The following NRG1 variants were observed in gnomAD, a reference collection of about 807,000 sequenced individuals.
The protein encoded by NRG1 is neuregulin 1, also known as pro-neuregulin-1, membrane-bound isoform.
A neutral mutation model predicts 63.8 loss-of-function variants in NRG1; 18 were observed. The ratio of observed to expected loss-of-function variants is 0.28; its 90% CI spans 0.19 to 0.42. NRG1 has a LOEUF of 0.42. Ranked by LOEUF, NRG1 falls within the 10% of genes least tolerant of loss-of-function variation. The pLI, the probability that NRG1 is intolerant of heterozygous loss-of-function variation, is 1.00. For synonymous variants in NRG1, 302 were observed against 301.3 expected, an observed-to-expected ratio of 1.00 and a Z score of -0.02; for missense variants, 762 against 814.7, an observed-to-expected ratio of 0.94 and a Z score of 0.79.
At chr8:32,354,799 T>A (rs199662563) in intron 1 of NRG1, among the ~76,000 whole-genome samples, 18 of 134,664 alleles carry the variant, frequency 1.3e-4, no homozygotes, top group African/African-American at 4.0e-4. Context: ...GCTGCTTTTT[T>A]TAAAAAAAAA....
chr8:31,780,402 G>T (rs545739721), intron 1 of NRG1, among the ~76,000 whole-genome samples: 1 of 152,150 alleles, frequency 6.6e-6, no homozygotes, highest in East Asian at 1.9e-4. Flanking sequence ...AGCATTTTCT[G>T]CTCTCTGTGT....
At chr8:31,988,294 A>G (rs1189976123) in intron 1 of NRG1, among the ~76,000 whole-genome samples, 1 of 152,116 alleles carries the variant, frequency 6.6e-6, no homozygotes, top group African/African-American at 2.4e-5. Context: ...GAGTTCGACC[A>G]TAACTAAAGA....
chr8:32,771,706 T>TAAA (rs36131405), downstream of NRG1, among the ~76,000 whole-genome samples: 63 of 80,236 alleles, frequency 7.9e-4, no homozygotes, highest in Middle Eastern at 9.3e-3. Context: ...TCCATTTCTT[T>TAAA]AAAAAAAAAA....
intron 1 of NRG1, among the ~76,000 whole-genome samples, chr8:32,062,297 G>A (rs1824016219): frequency 6.6e-6 from 1 of 152,068 alleles, no homozygotes; most frequent in Non-Finnish European, 1.5e-5. Flanking sequence ...CATTCAGATG[G>A]AACAGAAAGA....
intron 6 of NRG1, among the ~76,000 whole-genome samples, chr8:32,734,025 G>C (rs1000327102): frequency 7.2e-5 from 11 of 152,180 alleles, no homozygotes; most frequent in Non-Finnish European, 1.5e-4. Flanking sequence ...ACCTCTGAAG[G>C]TCAGGCAGAG....
At chr8:32,433,633 G>A (rs1818437470) in intron 1 of NRG1, among the ~76,000 whole-genome samples, 1 of 152,118 alleles carries the variant, frequency 6.6e-6, no homozygotes, top group African/African-American at 2.4e-5. Flanking sequence ...AGATAAGTAG[G>A]AAATGTTCTG....
intron 3 of NRG1, among the ~76,000 whole-genome samples, chr8:32,606,914 A>G (rs1419320133): frequency 6.6e-6 from 1 of 152,142 alleles, no homozygotes; most frequent in East Asian, 1.9e-4. Flanking sequence ...ATACTAAGAA[A>G]GTGAGAAGGG....
intron 1 of NRG1, among the ~76,000 whole-genome samples, chr8:31,851,755 C>T (rs1393624250): frequency 8.8e-6 from 1 of 113,216 alleles, no homozygotes; most frequent in African/African-American, 3.3e-5. Flanking sequence ...CCATCCCTCC[C>T]CCCTCCCCCC....
intron 1 of NRG1, among the ~76,000 whole-genome samples, chr8:32,386,336 T>C (rs1039795129): frequency 3.9e-5 from 6 of 152,198 alleles, no homozygotes; most frequent in African/African-American, 1.4e-4. Context: ...ACTAAATCAG[T>C]GGACAGAGCT....
chr8:32,128,910 G>A (rs747656056), intron 1 of NRG1, among the ~76,000 whole-genome samples: 1 of 151,852 alleles, frequency 6.6e-6, no homozygotes, highest in Non-Finnish European at 1.5e-5. Flanking sequence ...TGGCCATGTG[G>A]TTTTCTCTGT....
chr8:32,540,112 T>C (rs1324058004), intron 1 of NRG1, among the ~76,000 whole-genome samples: 2 of 152,102 alleles, frequency 1.3e-5, no homozygotes, highest in Non-Finnish European at 2.9e-5. Flanking sequence ...GTTTCTTCGA[T>C]AGAAAGGGGA....
At chr8:32,728,583 T>C (rs1822850736) in intron 6 of NRG1, 3 of 984,324 alleles carry the variant, frequency 3.0e-6, no homozygotes, top group South Asian at 4.7e-5. Flanking sequence ...TGCATAACTA[T>C]TTTTTAAACG....
intron 1 of NRG1, among the ~76,000 whole-genome samples, chr8:32,391,998 C>T (rs1811833749): frequency 6.6e-6 from 1 of 152,134 alleles, no homozygotes; most frequent in Non-Finnish European, 1.5e-5. Context: ...AAAATGGCCA[C>T]AGGCTCTGAA....
intron 4 of NRG1, among the ~76,000 whole-genome samples, chr8:32,615,182 T>A (rs1847125356): frequency 6.6e-6 from 1 of 152,160 alleles, no homozygotes; most frequent in Non-Finnish European, 1.5e-5. Flanking sequence ...TAACCATAAT[T>A]CATTGATTTC....
intron 1 of NRG1, among the ~76,000 whole-genome samples, chr8:32,235,496 A>G (rs532296802): frequency 3.9e-5 from 6 of 152,328 alleles, no homozygotes; most frequent in African/African-American, 1.4e-4. Flanking sequence ...ACATCTGTTT[A>G]CATAAATAGC....
intron 1 of NRG1, among the ~76,000 whole-genome samples, chr8:32,423,501 C>T (rs1023951568): frequency 3.3e-5 from 5 of 152,016 alleles, no homozygotes; most frequent in Admixed American, 1.3e-4. Context: ...AAAAATTAGC[C>T]GGGCATGGTG....
intron 1 of NRG1, among the ~76,000 whole-genome samples, chr8:32,011,610 C>A (rs1365508430): frequency 6.6e-6 from 1 of 152,040 alleles, no homozygotes; most frequent in Non-Finnish European, 1.5e-5. Flanking sequence ...GGCTTGTTAT[C>A]CAAATTGATC....
At chr8:32,530,324 G>T (rs1017001596) in intron 1 of NRG1, among the ~76,000 whole-genome samples, 2 of 152,050 alleles carry the variant, frequency 1.3e-5, no homozygotes, top group African/African-American at 4.8e-5. Flanking sequence ...AGCCAGGATG[G>T]TCTCGATCTC....
intron 1 of NRG1, among the ~76,000 whole-genome samples, chr8:32,393,508 A>G (rs1165743444): frequency 6.6e-6 from 1 of 152,252 alleles, no homozygotes; most frequent in Non-Finnish European, 1.5e-5. Context: ...AGTAAACAGG[A>G]TAAAGAAAAT....
Sources: gnomAD v4.1 joint callset for allele counts (sites outside exome capture counted in the v4.1 genomes callset) on GRCh38, gnomAD v4.1.1 for gene constraint, MANE v1.5 for transcripts, NCBI Gene and HGNC (gene_info 2026-07-23, HGNC 2026-07-21) for gene names.